Variants in LOC128092252 observed in about 807,000 individuals in gnomAD.
At chr15:50,684,779 A>T in the LOC128092252 span, among the ~76,000 whole-genome samples, 1 of 152,204 alleles carries the variant, frequency 6.6e-6, no homozygotes. Context: ...AATAAATGGT[A>T]AAAGACACCC....
the LOC128092252 span, among the ~76,000 whole-genome samples, chr15:50,652,722 A>C: frequency 2.6e-5 from 4 of 152,072 alleles, no homozygotes; most frequent in Non-Finnish European, 5.9e-5. Context: ...GAAAAAAACA[A>C]AAACAAAATA....
chr15:50,660,287 G>C, the LOC128092252 span, among the ~76,000 whole-genome samples: 1 of 151,790 alleles, frequency 6.6e-6, no homozygotes, highest in Admixed American at 6.6e-5. Flanking sequence ...AAAAAATTGA[G>C]GGATATTTAA....
the LOC128092252 span, among the ~76,000 whole-genome samples, chr15:50,677,063 C>A: frequency 2.0e-5 from 3 of 152,154 alleles, no homozygotes; most frequent in Non-Finnish European, 2.9e-5. Flanking sequence ...ACCAATACCA[C>A]ACAGACTTGG....
chr15:50,672,920 A>C, the LOC128092252 span, among the ~76,000 whole-genome samples: 1 of 150,656 alleles, frequency 6.6e-6, no homozygotes, highest in Non-Finnish European at 1.5e-5. Context: ...AAAAAAAAAA[A>C]AAAAAGCTTA....
chr15:50,648,802 T>G, the LOC128092252 span: 1 of 1,613,348 alleles, frequency 6.2e-7, no homozygotes, highest in Non-Finnish European at 8.5e-7. Flanking sequence ...ATTAAAATGG[T>G]CACCCAATTT....
At chr15:50,658,648 T>C in the LOC128092252 span, among the ~76,000 whole-genome samples, 8 of 151,946 alleles carry the variant, frequency 5.3e-5, no homozygotes, top group Non-Finnish European at 2.9e-5. Context: ...TATATATTTA[T>C]ATAATCCCTA....
At chr15:50,653,042 T>C in the LOC128092252 span, among the ~76,000 whole-genome samples, 1 of 152,146 alleles carries the variant, frequency 6.6e-6, no homozygotes, top group Non-Finnish European at 1.5e-5. Flanking sequence ...TCACAGTTAC[T>C]TGGGAAGCTA....
the LOC128092252 span, among the ~76,000 whole-genome samples, chr15:50,670,413 C>T: frequency 7.2e-5 from 11 of 152,190 alleles, no homozygotes; most frequent in African/African-American, 2.6e-4. Context: ...GCTGATAAAA[C>T]AGGTTGCACT....
At chr15:50,686,584 T>A in the LOC128092252 span, 1 of 1,604,790 alleles carries the variant, frequency 6.2e-7, no homozygotes, top group East Asian at 2.3e-5. Flanking sequence ...CTCCTCCTCC[T>A]CCGCGGCCTG....
the LOC128092252 span, among the ~76,000 whole-genome samples, chr15:50,661,875 A>T: frequency 2.0e-5 from 3 of 152,182 alleles, no homozygotes; most frequent in Non-Finnish European, 4.4e-5. Context: ...TTAGGAAATA[A>T]CTATATCTTA....
chr15:50,662,999 T>C, the LOC128092252 span: 137 of 1,613,840 alleles, frequency 8.5e-5, no homozygotes, highest in Middle Eastern at 5.0e-4. Flanking sequence ...GTATAATATA[T>C]ACACATTCCC....
At chr15:50,649,884 T>C in the LOC128092252 span, among the ~76,000 whole-genome samples, 1 of 151,984 alleles carries the variant, frequency 6.6e-6, no homozygotes, top group Non-Finnish European at 1.5e-5. Flanking sequence ...CAGAAGGGTC[T>C]CCTTAAGCAT....
chr15:50,673,362 C>T, the LOC128092252 span, among the ~76,000 whole-genome samples: 1 of 152,138 alleles, frequency 6.6e-6, no homozygotes, highest in Non-Finnish European at 1.5e-5. Flanking sequence ...TTTTGGTGCA[C>T]CCATTGCCCG....
At chr15:50,676,610 G>C in the LOC128092252 span, among the ~76,000 whole-genome samples, 1 of 151,816 alleles carries the variant, frequency 6.6e-6, no homozygotes, top group East Asian at 1.9e-4. Context: ...ACACTGAAGA[G>C]CAACCAAAAG....
At chr15:50,671,478 G>T in the LOC128092252 span, among the ~76,000 whole-genome samples, 1 of 152,098 alleles carries the variant, frequency 6.6e-6, no homozygotes, top group Non-Finnish European at 1.5e-5. Flanking sequence ...ATATTTAACA[G>T]TGGTCCCATA....
At chr15:50,667,128 G>A in the LOC128092252 span, among the ~76,000 whole-genome samples, 3 of 152,180 alleles carry the variant, frequency 2.0e-5, no homozygotes, top group East Asian at 1.9e-4. Context: ...TTGATTGGCC[G>A]ACTCTGGGGG....
At chr15:50,684,960 A>G in the LOC128092252 span, among the ~76,000 whole-genome samples, 1 of 152,206 alleles carries the variant, frequency 6.6e-6, no homozygotes, top group Non-Finnish European at 1.5e-5. Flanking sequence ...TTTAGGCATG[A>G]TAATAATATT....
At chr15:50,681,396 G>A in the LOC128092252 span, among the ~76,000 whole-genome samples, 1 of 152,002 alleles carries the variant, frequency 6.6e-6, no homozygotes, top group Non-Finnish European at 1.5e-5. Flanking sequence ...AGTATCTTCC[G>A]GGTACTGGGT....
chr15:50,669,712 T>G, the LOC128092252 span, among the ~76,000 whole-genome samples: 1 of 152,102 alleles, frequency 6.6e-6, no homozygotes, highest in Non-Finnish European at 1.5e-5. Flanking sequence ...TTGTTTGAGT[T>G]TTTTTCCTGC....
Sources: allele counts gnomAD v4.1 joint callset (sites outside exome capture counted in the v4.1 genomes callset), GRCh38; gene constraint gnomAD v4.1.1; transcripts MANE v1.5.